Variants in SHTN1 observed in about 807,000 individuals in gnomAD.
SHTN1 encodes shootin-1.
Under a neutral mutation model 83.1 loss-of-function variants are expected in SHTN1, and 42 were observed. The ratio of observed to expected loss-of-function variants is 0.51; its 90% CI spans 0.39 to 0.65. SHTN1 has a LOEUF of 0.65. Among genes scored for constraint, SHTN1 ranks in the 30% least tolerant of loss-of-function variants. The pLI, the probability that SHTN1 is intolerant of heterozygous loss-of-function variation, is 0.00. For synonymous variants in SHTN1, 224 were observed against 247.7 expected, an observed-to-expected ratio of 0.90 and a Z score of 0.90; for missense variants, 622 against 737.8, an observed-to-expected ratio of 0.84 and a Z score of 1.82.
chr10:117,013,586 G>A (rs1852138226), intron 2 of SHTN1, among the ~76,000 whole-genome samples: 1 of 152,154 alleles, frequency 6.6e-6, no homozygotes, highest in Non-Finnish European at 1.5e-5. Flanking sequence ...TATCTATTAG[G>A]ATGGCTAAAA....
chr10:117,056,925 A>G (rs1405982617), intron 1 of SHTN1, among the ~76,000 whole-genome samples: 2 of 152,224 alleles, frequency 1.3e-5, no homozygotes, highest in Non-Finnish European at 2.9e-5. Context: ...CTACAGATGA[A>G]AGACTGAATG....
Position 116,911,462 on chromosome 10 carries a change from T to G in SHTN1, c.1359+328A>C, listed in dbSNP as rs1482813737. The G allele has an allele frequency of 2.6e-6, 4 of 1,548,068 alleles. No homozygotes were observed. In the East Asian group the frequency reaches 9.8e-5, roughly 38 times the overall value. ...CATTATTCATCTATTATATTTCTGT[T>G]TTTCATCAACATGTACGGACCCTTA... On this transcript the variant is annotated intron_variant, in intron 14 of 16. Coordinates refer to ENST00000355371, the MANE Select transcript of SHTN1 (RefSeq NM_001127211.3).
intron 15 of SHTN1, among the ~76,000 whole-genome samples, chr10:116,904,117 T>C (rs991594142): frequency 6.6e-6 from 1 of 152,170 alleles, no homozygotes; most frequent in Non-Finnish European, 1.5e-5. Flanking sequence ...ATGTTTCCTT[T>C]CTCTACTTGT....
At chr10:117,061,271 C>A (rs112511722) in intron 1 of SHTN1, among the ~76,000 whole-genome samples, 1 of 145,374 alleles carries the variant, frequency 6.9e-6, no homozygotes. Flanking sequence ...CTCAGCCTCC[C>A]GAGTAGCTGG....
In SHTN1 at chr10:116,900,947, C is replaced by T. The variant is rs1847709881; in HGVS notation, c.1673+818G>A. On this transcript the variant is annotated intron_variant, in intron 16 of 16. Transcript: ENST00000355371. ...ATAGATCCAAATTGAATTCCAACTTCATTTGTCCAGGTTTCACCTTTTAAG... is the reference window on the plus strand; with the variant it reads ...ATAGATCCAAATTGAATTCCAACTTTATTTGTCCAGGTTTCACCTTTTAAG... The T allele has an allele frequency of 2.1e-5, 21 of 985,314 alleles. No individual in the cohort carries two copies. The South Asian group carries it at 2.8e-4, about 13-fold the overall frequency. 61.0% of individuals were successfully genotyped at this position (985,314 alleles called of 1,614,324 possible). A position where few individuals can be genotyped will look rare whatever the true frequency, so the allele number is the denominator to read the frequency against.
At chr10:117,079,859 C>T (rs1210458436) in intron 1 of SHTN1, among the ~76,000 whole-genome samples, 9 of 144,058 alleles carry the variant, frequency 6.2e-5, no homozygotes, top group Admixed American at 2.1e-4. Context: ...CTGTTCATGT[C>T]CTTCGCCCAC....
At chr10:117,063,956 T>C (rs527698098) in intron 1 of SHTN1, among the ~76,000 whole-genome samples, 2 of 152,290 alleles carry the variant, frequency 1.3e-5, no homozygotes, top group East Asian at 3.9e-4. Flanking sequence ...TTTCACCATA[T>C]TCCCTAAAAT....
chr10:116,888,458 C>CT (rs1847230795), intron 16 of SHTN1, among the ~76,000 whole-genome samples: 1 of 152,210 alleles, frequency 6.6e-6, no homozygotes, highest in Admixed American at 6.5e-5. Context: ...GCTTCTGCGT[C>CT]TGACACTGGG....
At chr10:116,897,770 A>G (rs1290387553) in intron 16 of SHTN1, among the ~76,000 whole-genome samples, 1 of 152,180 alleles carries the variant, frequency 6.6e-6, no homozygotes, top group African/African-American at 2.4e-5. Context: ...TAAACGGCAG[A>G]CCCAGGATCT....
intron 9 of SHTN1, among the ~76,000 whole-genome samples, chr10:116,932,159 A>T (rs986257010): frequency 9.9e-5 from 15 of 152,182 alleles, no homozygotes; most frequent in African/African-American, 3.6e-4. Context: ...CACAGCTCCC[A>T]ATCAGTCACA....
exon 1 of SHTN1, chr10:117,126,461 G>A: frequency 1.3e-5 from 3 of 227,322 alleles, no homozygotes; most frequent in South Asian, 4.5e-5. Context: ...CCCTCGCCTC[G>A]CCTCCTAGCA....
At chr10:117,059,291 A>C (rs181418544) in intron 1 of SHTN1, among the ~76,000 whole-genome samples, 4 of 152,316 alleles carry the variant, frequency 2.6e-5, no homozygotes, top group Non-Finnish European at 5.9e-5. Context: ...CCACTCTGGG[A>C]AACAGTTTGG....
intron 1 of SHTN1, among the ~76,000 whole-genome samples, chr10:116,979,593 G>GC (rs1232008906): frequency 1.3e-5 from 2 of 152,210 alleles, no homozygotes; most frequent in Non-Finnish European, 2.9e-5. Context: ...CTGGGCTCCT[G>GC]CTTTTAACAG....
At position 116,891,038 on chromosome 10, in the gene SHTN1, T is replaced by C. The variant is rs540166052; in HGVS notation, c.1674-4472A>G. Among the ~76,000 whole-genome samples the C allele has an allele frequency of 5.9e-5, 9 of 152,336 alleles. No homozygotes were observed. The South Asian group carries it at 6.2e-4, about 11-fold the overall frequency. ...TAACTAATGCCCAAAAGAGCCCTAA[T>C]AGACGTGGTTCTGAGCTCAATTGAA... On this transcript the variant is annotated intron_variant, in intron 16 of 16. Transcript: ENST00000355371.
intron 2 of SHTN1, among the ~76,000 whole-genome samples, chr10:116,975,223 A>G (rs1850757285): frequency 6.6e-6 from 1 of 152,228 alleles, no homozygotes; most frequent in East Asian, 1.9e-4. Context: ...TTTTGACAAT[A>G]AATTTTGCTT....
At chr10:116,947,608 A>T (rs1230351840) in intron 7 of SHTN1, among the ~76,000 whole-genome samples, 4 of 152,214 alleles carry the variant, frequency 2.6e-5, no homozygotes, top group African/African-American at 7.2e-5. Flanking sequence ...CACTATGACG[A>T]TCTGAAGCCC....
At chr10:116,927,568 C>T (rs562515853) in intron 11 of SHTN1, among the ~76,000 whole-genome samples, 2 of 152,294 alleles carry the variant, frequency 1.3e-5, no homozygotes, top group Admixed American at 1.3e-4. Flanking sequence ...GAAAGACCCA[C>T]CCTCATGATT....
chr10:117,041,747 T>A (rs1852587299), intron 2 of SHTN1, among the ~76,000 whole-genome samples: 1 of 152,210 alleles, frequency 6.6e-6, no homozygotes, highest in African/African-American at 2.4e-5. Context: ...CGCTAGCCCA[T>A]CACGTGAAGA....
chr10:117,030,544 A>G (rs1852400449), intron 2 of SHTN1, among the ~76,000 whole-genome samples: 1 of 152,128 alleles, frequency 6.6e-6, no homozygotes, highest in South Asian at 2.1e-4. Context: ...AAAAACAGAT[A>G]TATTGCCTTT....
Sources: gnomAD v4.1 joint callset for allele counts (sites outside exome capture counted in the v4.1 genomes callset) on GRCh38, gnomAD v4.1.1 for gene constraint, MANE v1.5 for transcripts, NCBI Gene and HGNC (gene_info 2026-07-23, HGNC 2026-07-21) for gene names.